Variants in FMN1 observed in about 807,000 individuals in gnomAD.
The protein encoded by FMN1 is formin-1.
FMN1 carries 110 observed loss-of-function variants against 132.4 expected under a neutral mutation model. That is an observed-to-expected ratio of 0.83 (90% CI 0.71 to 0.97). The LOEUF (loss-of-function observed/expected upper bound fraction) is 0.97. FMN1 is among the 50% of genes least tolerant of loss of function. The pLI, the probability that FMN1 is intolerant of heterozygous loss-of-function variation, is 0.00. For synonymous variants in FMN1, 722 were observed against 651.7 expected (o/e 1.11, Z -1.64); for missense variants, 1,792 against 1,705.3 (o/e 1.05, Z -0.90).
intron 6 of FMN1, among the ~76,000 whole-genome samples, chr15:33,018,032 T>C (rs2035165235): frequency 6.7e-6 from 1 of 148,910 alleles, no homozygotes; most frequent in Admixed American, 6.7e-5. Context: ...ACCACTGCAC[T>C]CCAGCCTGGG....
rs1297278411 is a variant in FMN1, at chr15:33,067,096, T to C, written c.2044-2022A>G. 4.3e-6 allele frequency: 7 copies of C among 1,613,884 alleles called. No individual in the cohort carries two copies. In the African/African-American group the frequency reaches 8.0e-5, roughly 18 times the overall value. On this transcript the variant is annotated intron_variant, in intron 5 of 20. Transcript: ENST00000616417. ...GGAATGACTTCTCTCCAGAGACTTC[T>C]TTTTTAGAAGAGGCACTCTCAGTGA...
intron 2 of FMN1, among the ~76,000 whole-genome samples, chr15:33,184,281 A>T (rs1221013352): frequency 6.6e-6 from 1 of 152,188 alleles, no homozygotes; most frequent in African/African-American, 2.4e-5. Context: ...GTAATGCCTT[A>T]TATGAATTCT....
intron 7 of FMN1, among the ~76,000 whole-genome samples, chr15:32,984,326 C>T (rs1007319173): frequency 1.3e-5 from 2 of 152,084 alleles, no homozygotes; most frequent in Non-Finnish European, 2.9e-5. Flanking sequence ...AAGAACACCA[C>T]CTATCAAACA....
At chr15:32,847,305 T>C (rs1315333949) in intron 17 of FMN1, among the ~76,000 whole-genome samples, 2 of 151,946 alleles carry the variant, frequency 1.3e-5, no homozygotes, top group African/African-American at 4.8e-5. Flanking sequence ...TGTGTGTGTG[T>C]AAATATCTGC....
intron 7 of FMN1, among the ~76,000 whole-genome samples, chr15:32,998,238 A>C (rs1000454626): frequency 6.6e-6 from 1 of 152,226 alleles, no homozygotes; most frequent in Non-Finnish European, 1.5e-5. Flanking sequence ...CTACCCCCCA[A>C]ATAGCCTTCT....
At chr15:33,037,304 C>A (rs1220268841) in intron 6 of FMN1, among the ~76,000 whole-genome samples, 1 of 149,052 alleles carries the variant, frequency 6.7e-6, no homozygotes, top group Non-Finnish European at 1.5e-5. Flanking sequence ...CAGTCTCCTG[C>A]ACAGCCTCAT....
chr15:33,054,938 G>C (rs2037147985), intron 6 of FMN1, among the ~76,000 whole-genome samples: 2 of 152,160 alleles, frequency 1.3e-5, no homozygotes, highest in Non-Finnish European at 2.9e-5. Flanking sequence ...CAGAGTTATA[G>C]TTGTAAACCA....
At chr15:33,121,342 G>A (rs989055903) in intron 4 of FMN1, among the ~76,000 whole-genome samples, 5 of 152,178 alleles carry the variant, frequency 3.3e-5, no homozygotes, top group African/African-American at 1.2e-4. Context: ...GGCGGATTCA[G>A]GGTCACATTC....
intron 10 of FMN1, among the ~76,000 whole-genome samples, chr15:32,920,895 T>C (rs1171713491): frequency 2.0e-5 from 3 of 152,228 alleles, no homozygotes; most frequent in African/African-American, 7.2e-5. Flanking sequence ...TTGTCATTTA[T>C]CATCTGAACA....
intron 6 of FMN1, among the ~76,000 whole-genome samples, chr15:33,030,010 T>G (rs1215330293): frequency 6.6e-6 from 1 of 151,902 alleles, no homozygotes; most frequent in Non-Finnish European, 1.5e-5. Context: ...ACAAAAAAAA[T>G]AGCTGGGCGT....
chr15:33,032,937 T>C (rs1305716761), intron 6 of FMN1, among the ~76,000 whole-genome samples: 4 of 152,170 alleles, frequency 2.6e-5, no homozygotes, highest in African/African-American at 4.8e-5. Context: ...TTTAGAGTTA[T>C]TAAGTATTTG....
At chr15:32,914,147 G>C (rs574405530) in intron 10 of FMN1, among the ~76,000 whole-genome samples, 1 of 152,124 alleles carries the variant, frequency 6.6e-6, no homozygotes, top group Non-Finnish European at 1.5e-5. Flanking sequence ...CATTATTAGG[G>C]AATGAATAAG....
intron 9 of FMN1, among the ~76,000 whole-genome samples, chr15:32,959,628 A>G (rs1316425213): frequency 1.3e-5 from 2 of 152,208 alleles, no homozygotes; most frequent in Non-Finnish European, 2.9e-5. Flanking sequence ...CAGAAAACTT[A>G]AAGAGTTTAA....
chr15:33,051,461 G>A (rs12901377), intron 6 of FMN1, among the ~76,000 whole-genome samples: 22,434 of 151,144 alleles, frequency 0.15, 1,874 homozygotes, highest in Middle Eastern at 0.22. Flanking sequence ...CCAGGATGTC[G>A]GGCAACCATC....
intron 13 of FMN1, among the ~76,000 whole-genome samples, chr15:32,901,360 T>C (rs1225788172): frequency 6.6e-6 from 1 of 152,184 alleles, no homozygotes; most frequent in Non-Finnish European, 1.5e-5. Flanking sequence ...TGGAGAAGAA[T>C]AACGTGTCCT....
At chr15:32,988,049 G>GTTT (rs10573409) in intron 7 of FMN1, among the ~76,000 whole-genome samples, 3,830 of 118,124 alleles carry the variant, frequency 0.032, 100 homozygotes, top group Middle Eastern at 0.06. Context: ...TGTCTCTCCA[G>GTTT]TTTTTTTTTT....
chr15:33,150,227 T>C lies in FMN1; in HGVS notation c.1867+2821A>G, dbSNP rs1305209707. On this transcript the variant is annotated intron_variant, in intron 4 of 20. Coordinates refer to ENST00000616417, the MANE Select transcript of FMN1 (RefSeq NM_001277313.2). Reference sequence around the variant, plus strand: ...TGAAAGCAAGCAAAACAGAAAGGAATCCTAGCACCAAGCTCCAAGGACACT... The same window carrying C: ...TGAAAGCAAGCAAAACAGAAAGGAACCCTAGCACCAAGCTCCAAGGACACT... 5.1e-6 allele frequency: 5 copies of C among 985,284 alleles called. No individual in the cohort carries two copies. In the Admixed American group the frequency reaches 2.5e-4, roughly 48 times the overall value. 61.0% of individuals were successfully genotyped at this position (985,284 alleles called of 1,614,324 possible). A position where few individuals can be genotyped will look rare whatever the true frequency, so the allele number is the denominator to read the frequency against.
intron 6 of FMN1, among the ~76,000 whole-genome samples, chr15:33,030,302 T>C (rs1456927548): frequency 6.6e-6 from 1 of 152,232 alleles, no homozygotes; most frequent in Non-Finnish European, 1.5e-5. Context: ...GTTATCCCAG[T>C]GTTCATTAAA....
At chr15:33,155,176 C>CCT (rs1262701788) in intron 3 of FMN1, 131 bp from the exon 4 acceptor site, 4 of 369,920 alleles carry the variant, frequency 1.1e-5, no homozygotes, top group Non-Finnish European at 2.0e-5. Flanking sequence ...AGGAATCAGA[C>CCT]AACAGCCAGA....
Sources: allele counts gnomAD v4.1 joint callset (sites outside exome capture counted in the v4.1 genomes callset), GRCh38; gene constraint gnomAD v4.1.1; transcripts MANE v1.5; gene names NCBI Gene and HGNC (gene_info 2026-07-23, HGNC 2026-07-21).